The following NCSTN variants were observed in gnomAD, a reference collection of about 807,000 sequenced individuals.
The protein encoded by NCSTN is nicastrin, also known as anterior pharynx-defective 2.
In NCSTN, 22 loss-of-function variants were observed where a neutral mutation model predicts 87.0. The ratio of observed to expected loss-of-function variants is 0.25; its 90% confidence interval spans 0.18 to 0.36. NCSTN has a LOEUF of 0.36. Ranked by LOEUF, NCSTN falls within the 10% of genes least tolerant of loss-of-function variation. The pLI, the probability that NCSTN is intolerant of heterozygous loss-of-function variation, is 1.00. For synonymous variants in NCSTN, 306 were observed against 327.1 expected, an observed-to-expected ratio of 0.94 and a Z score of 0.69; for missense variants, 693 against 883.3, an observed-to-expected ratio of 0.78 and a Z score of 2.73.
chr1:160,355,356 C>T (rs777520171), intron 11 of NCSTN, among the ~76,000 whole-genome samples: 2 of 152,148 alleles, frequency 1.3e-5, no homozygotes, highest in African/African-American at 4.8e-5. Flanking sequence ...CTTAGCCATC[C>T]CCCATATCTC....
intron 8 of NCSTN, 149 bp downstream of exon 8, chr1:160,352,355 T>G: frequency 1.0e-6 from 1 of 980,062 alleles, no homozygotes; most frequent in Non-Finnish European, 1.5e-6. Context: ...GTCTCCCCTT[T>G]AGATTCCTCC....
intron 5 of NCSTN, 115 bp from the exon 6 acceptor site, chr1:160,351,107 C>A: frequency 9.3e-7 from 1 of 1,071,824 alleles, no homozygotes; most frequent in Non-Finnish European, 1.4e-6. Flanking sequence ...ATAAATGTCT[C>A]CGAAAAGGGT....
In NCSTN at chr1:160,351,213, C is replaced by G. The variant is rs1379351115; in HGVS notation, c.583-9C>G. 6.2e-7 allele frequency: 1 copy of G among 1,614,134 alleles called. No individual in the cohort carries two copies. ...TAGCTGTCTCAGTGGGGTCCATCTC[C>G]CCTTTCAGTGCTATCAAGATCACAA... On this transcript the variant is annotated splice_polypyrimidine_tract_variant and intron_variant, in intron 5 of 16. Transcript: ENST00000294785.
In NCSTN at chr1:160,353,219, T is replaced by C. The variant is rs1437416028; in HGVS notation, c.1161T>C (p.Asn387=). The change falls in exon 10 of 17, where the codon AAT becomes AAC. Residue 387 remains asparagine, a synonymous_variant. Transcript: ENST00000294785. ...ACACAGATCCTGTTTCTCAGAAAAA[T>C]GAGTCTGTACGGAACCAGGTAACCT... The part of the protein sequence containing the change: ...WMHTDPVSQK[N]ESVRNQVEDL... The C allele has an allele frequency of 1.2e-6, 2 of 1,614,118 alleles. No homozygotes were observed. The highest frequency in any genetic ancestry group is 1.3e-5 in the African/African-American group (1 of 75,002).
chr1:160,344,865 T>C, intron 2 of NCSTN, 39 bp downstream of exon 2: 1 of 1,528,284 alleles, frequency 6.5e-7, no homozygotes, highest in Non-Finnish European at 9.1e-7. Context: ...ACATTGATAT[T>C]TGTCTGTGCC....
Position 160,356,679 on chromosome 1 carries a change from T to C in NCSTN, c.1719T>C (p.Asn573=). The C allele has an allele frequency of 6.2e-7, 1 of 1,614,186 alleles. No homozygotes were observed. The highest frequency in any genetic ancestry group is 8.5e-7 in the Non-Finnish European group (1 of 1,180,034). The change falls in exon 15 of 17, where the codon AAT becomes AAC. Residue 573 remains asparagine (N), a synonymous_variant. Transcript: ENST00000294785. ...TTYVVQYALA[N]LTGTVVNLTR... ...ATGTTGTACAGTATGCCTTGGCAAA[T>C]TTGACTGGCACAGTGGTCAACCTCA...
At chr1:160,356,165 T>G in intron 13 of NCSTN, 95 bp from the exon 14 acceptor site, 1 of 1,197,982 alleles carries the variant, frequency 8.3e-7, no homozygotes, top group Non-Finnish European at 1.2e-6. Context: ...CTGGCCAGTC[T>G]GGTTCCTGCC....
chr1:160,347,553 G>GT (rs1648567854), intron 2 of NCSTN, among the ~76,000 whole-genome samples: 2 of 152,186 alleles, frequency 1.3e-5, no homozygotes, highest in African/African-American at 2.4e-5. Context: ...TAGAATCCAG[G>GT]TTTTTTTCAG....
chr1:160,343,395 A>G lies in NCSTN; in HGVS notation c.-2A>G, dbSNP rs1322062641. On this transcript the variant is annotated 5_prime_UTR_variant, in exon 1 of 17. Coordinates refer to ENST00000294785, the MANE Select transcript of NCSTN (RefSeq NM_015331.3). ...GGGGCTTCCGCTCAGCAGAGAGGCA[A>G]GATGGCTACGGCAGGGGGTGGCTCT... The G allele has an allele frequency of 6.2e-7, 1 of 1,613,178 alleles. No individual in the cohort carries two copies. Among genetic ancestry groups the G allele is most frequent in the Non-Finnish European group, 8.5e-7 (1 of 1,179,762 alleles).
chr1:160,351,855 T>C, intron 7 of NCSTN, 50 bp downstream of exon 7: 1 of 1,500,568 alleles, frequency 6.7e-7, no homozygotes. Context: ...CAAAAAGAGC[T>C]GGTAGGCCCC....
intron 1 of NCSTN, 82 bp from the exon 2 acceptor site, chr1:160,344,640 G>A (rs778752959): frequency 1.3e-5 from 21 of 1,583,466 alleles, no homozygotes; most frequent in Non-Finnish European, 1.5e-5. Context: ...ATTTACCCAA[G>A]CCATACTTCA....
chr1:160,354,056 AAG>A (rs1649006724), intron 10 of NCSTN, 60 bp from the exon 11 acceptor site: 2 of 1,549,592 alleles, frequency 1.3e-6, no homozygotes, highest in Non-Finnish European at 1.8e-6. Flanking sequence ...TCAGGCCTAA[AAG>A]AGACCTCCTG....
chr1:160,358,052 C>A, intron 16 of NCSTN, 97 bp from the exon 17 acceptor site: 1 of 1,532,906 alleles, frequency 6.5e-7, no homozygotes, highest in Non-Finnish European at 9.0e-7. Context: ...AGCCAGCATC[C>A]GAATTCCCAT....
intron 5 of NCSTN, 36 bp from the exon 6 acceptor site, chr1:160,351,186 A>T (rs1474532741): frequency 6.2e-7 from 1 of 1,613,380 alleles, no homozygotes; most frequent in Non-Finnish European, 8.5e-7. Flanking sequence ...GCCTCCACAA[A>T]CTAGCTGTCT....
Position 160,343,418 on chromosome 1 carries a change from T to G in NCSTN, c.22T>G (p.Ser8Ala). The G allele has an allele frequency of 6.2e-7, 1 of 1,612,852 alleles. No homozygotes were observed. Among genetic ancestry groups the G allele is most frequent in the Non-Finnish European group, 8.5e-7 (1 of 1,179,742 alleles). Residue 8 changes from serine (S) to alanine (A), a missense_variant, in exon 1 of 17, where the codon TCT (serine) becomes GCT (alanine). This residue lies in a region of NCSTN where 235 missense variants were observed against 233.9 expected (regional missense o/e 1.00). Transcript: ENST00000294785. Reference sequence around the variant, plus strand: ...CAAGATGGCTACGGCAGGGGGTGGCTCTGGGGCTGACCCGGGAAGTCGGGG... The same window carrying G: ...CAAGATGGCTACGGCAGGGGGTGGCGCTGGGGCTGACCCGGGAAGTCGGGG... MATAGGG[S>A]GADPGSRGLL...
At chr1:160,352,458 T>C (rs1648907143) in intron 8 of NCSTN, among the ~76,000 whole-genome samples, 1 of 152,200 alleles carries the variant, frequency 6.6e-6, no homozygotes, top group Non-Finnish European at 1.5e-5. Flanking sequence ...TGATAAGATA[T>C]ATTGGAGGCG....
intron 1 of NCSTN, among the ~76,000 whole-genome samples, chr1:160,344,275 T>C (rs927705996): frequency 6.6e-6 from 1 of 152,134 alleles, no homozygotes; most frequent in Non-Finnish European, 1.5e-5. Context: ...CTGACCCGTG[T>C]ATGTCATAAG....
chr1:160,348,451 G>A (rs1648637500), intron 2 of NCSTN, among the ~76,000 whole-genome samples: 1 of 152,184 alleles, frequency 6.6e-6, no homozygotes, highest in Non-Finnish European at 1.5e-5. Flanking sequence ...TGATCCATTC[G>A]AGGCTTATCA....
In NCSTN at chr1:160,354,110, C is replaced by T. The variant is rs373496268; in HGVS notation, c.1180-8C>T. 11 of 1,612,932 alleles carry T rather than the reference C, an allele frequency of 6.8e-6. No homozygotes were observed. The African/African-American group carries it at 9.3e-5, about 14-fold the overall frequency. ...CTCCCATCAGTTAATCTCCCTCGTA[C>T]CCCCCAGGTGGAGGATCTCCTGGCC... On this transcript the variant is annotated splice_region_variant and splice_polypyrimidine_tract_variant and intron_variant, in intron 10 of 16. Coordinates refer to ENST00000294785, the MANE Select transcript of NCSTN (RefSeq NM_015331.3).
Sources: allele counts gnomAD v4.1 joint callset (sites outside exome capture counted in the v4.1 genomes callset), GRCh38; gene constraint gnomAD v4.1.1; regional missense constraint gnomAD v4.1.1; transcripts MANE v1.5; gene names NCBI Gene and HGNC (gene_info 2026-07-23, HGNC 2026-07-21).